The following NEDD4L variants were observed in gnomAD, a reference collection of about 807,000 sequenced individuals.
NEDD4L encodes NEDD4 like E3 ubiquitin protein ligase.
NEDD4L carries 54 observed loss-of-function variants against 148.9 expected under a neutral mutation model. The observed-to-expected ratio is 0.36, with a 90% CI of 0.29 to 0.45. The LOEUF is 0.45. Among genes scored for constraint, NEDD4L ranks in the 20% least tolerant of loss-of-function variants. The pLI is 1.00. For missense variants in NEDD4L, 856 were observed against 1,233.8 expected, an observed-to-expected ratio of 0.69 and a Z score of 4.59; for synonymous variants, 433 against 440.7, an observed-to-expected ratio of 0.98 and a Z score of 0.22.
intron 1 of NEDD4L, among the ~76,000 whole-genome samples, chr18:58,122,109 A>C (rs770337399): frequency 6.6e-6 from 1 of 152,232 alleles, no homozygotes; most frequent in Non-Finnish European, 1.5e-5. Context: ...TTTGGCTTAC[A>C]GCTGCCATTC....
At chr18:58,394,446 G>T (rs1460617314) in intron 30 of NEDD4L, among the ~76,000 whole-genome samples, 2 of 152,144 alleles carry the variant, frequency 1.3e-5, no homozygotes, top group African/African-American at 4.8e-5. Context: ...CTCAAGAATG[G>T]GCCTGAGACC....
chr18:58,164,353 A>C (rs904348426), intron 1 of NEDD4L, among the ~76,000 whole-genome samples: 3 of 152,256 alleles, frequency 2.0e-5, no homozygotes, highest in Non-Finnish European at 4.4e-5. Flanking sequence ...AAATGGCACC[A>C]AAAGAAATTA....
chr18:58,049,763 G>A (rs550794645), intron 1 of NEDD4L, among the ~76,000 whole-genome samples: 134 of 152,078 alleles, frequency 8.8e-4, no homozygotes, highest in Non-Finnish European at 1.3e-3. Flanking sequence ...AATCACTTGA[G>A]TTCAGGAGTT....
intron 25 of NEDD4L, 121 bp downstream of exon 25, chr18:58,383,440 A>G (rs913318748): frequency 2.5e-5 from 16 of 635,728 alleles, no homozygotes; most frequent in African/African-American, 2.0e-4. Context: ...TCAGTTTTCA[A>G]CAAGGTAAGT....
chr18:58,180,528 G>A lies in NEDD4L; in HGVS notation c.122+14667G>A, dbSNP rs149111521. Reference sequence around the variant, plus strand: ...CTGTGCTTGGCCGACTCCAGCGCCCGTTCTTCTGCCCCTCCTTGGCTCTGC... The same window carrying A: ...CTGTGCTTGGCCGACTCCAGCGCCCATTCTTCTGCCCCTCCTTGGCTCTGC... On this transcript the variant is annotated intron_variant, in intron 2 of 30. Transcript: ENST00000400345. Among the ~76,000 whole-genome samples the A allele has an allele frequency of 6.6e-5, 10 of 152,244 alleles. No homozygotes were observed. In the East Asian group the frequency reaches 1.4e-3, roughly 21 times the overall value.
At chr18:58,200,780 A>G (rs2147398445) in intron 2 of NEDD4L, among the ~76,000 whole-genome samples, 1 of 152,352 alleles carries the variant, frequency 6.6e-6, no homozygotes, top group African/African-American at 2.4e-5. Context: ...ACAGGTGGGC[A>G]GAGGAGTCAT....
At chr18:58,211,068 C>T (rs491642) in intron 2 of NEDD4L, among the ~76,000 whole-genome samples, 66,715 of 151,852 alleles carry the variant, frequency 0.44, 15,944 homozygotes, top group African/African-American at 0.64. Flanking sequence ...TCTGAGAAAG[C>T]GAACTAGGAA....
chr18:58,277,300 A>T (rs62096361), intron 5 of NEDD4L, among the ~76,000 whole-genome samples: 1 of 151,796 alleles, frequency 6.6e-6, no homozygotes, highest in Non-Finnish European at 1.5e-5. Context: ...AATAGAGGAT[A>T]GTAATCCTAG....
intron 25 of NEDD4L, 91 bp downstream of exon 25, chr18:58,383,410 T>TAA: frequency 1.4e-6 from 1 of 739,968 alleles, no homozygotes; most frequent in Non-Finnish European, 2.3e-6. Flanking sequence ...ATGCATTTAT[T>TAA]ATGGGCATGA....
intron 25 of NEDD4L, 145 bp from the exon 26 acceptor site, chr18:58,385,381 A>G: frequency 1.4e-6 from 1 of 728,262 alleles, no homozygotes; most frequent in Non-Finnish European, 2.5e-6. Context: ...GAAGCCATGA[A>G]TAAACTAAAC....
intron 5 of NEDD4L, among the ~76,000 whole-genome samples, chr18:58,253,607 A>G (rs1440976998): frequency 6.6e-6 from 1 of 152,228 alleles, no homozygotes; most frequent in Non-Finnish European, 1.5e-5. Flanking sequence ...TCCTGGAGAC[A>G]TGGGTGTGTC....
intron 23 of NEDD4L, chr18:58,372,117 T>G (rs2046956367): frequency 6.6e-6 from 1 of 152,130 alleles, no homozygotes; most frequent in African/African-American, 2.4e-5. Flanking sequence ...ATTATTTTAC[T>G]TATTTATTTT....
intron 11 of NEDD4L, among the ~76,000 whole-genome samples, chr18:58,331,681 T>C (rs901865467): frequency 6.6e-6 from 1 of 152,172 alleles, no homozygotes; most frequent in Non-Finnish European, 1.5e-5. Context: ...TCAGTGTTTC[T>C]CAAGAAACTG....
intron 2 of NEDD4L, among the ~76,000 whole-genome samples, chr18:58,233,275 C>T (rs187264452): frequency 7.0e-4 from 107 of 152,252 alleles, no homozygotes; most frequent in Middle Eastern, 3.4e-3. Context: ...TCCGTTTTCA[C>T]GCTGCTGGTA....
intron 1 of NEDD4L, among the ~76,000 whole-genome samples, chr18:58,160,048 C>T (rs2036003515): frequency 1.3e-5 from 2 of 152,168 alleles, no homozygotes; most frequent in Admixed American, 1.3e-4. Context: ...TAAAGGATAA[C>T]AAGTTACCTC....
At chr18:58,257,264 A>G (rs1167334289) in intron 5 of NEDD4L, among the ~76,000 whole-genome samples, 1 of 152,120 alleles carries the variant, frequency 6.6e-6, no homozygotes, top group Non-Finnish European at 1.5e-5. Context: ...GTGAACGTAA[A>G]GTTTAGTGGA....
intron 1 of NEDD4L, chr18:58,149,712 T>G (rs533575284): frequency 8.0e-5 from 53 of 658,766 alleles, no homozygotes; most frequent in Middle Eastern, 5.0e-4. Flanking sequence ...TTGACCTGAT[T>G]ACTTCTTTCT....
chr18:58,056,652 T>G (rs1365974721), intron 1 of NEDD4L, among the ~76,000 whole-genome samples: 2 of 152,054 alleles, frequency 1.3e-5, no homozygotes, highest in Admixed American at 6.6e-5. Flanking sequence ...ACCATCTTGG[T>G]TCACTGCAAC....
chr18:58,333,473 G>A (rs1026291540), intron 11 of NEDD4L, among the ~76,000 whole-genome samples: 1 of 152,134 alleles, frequency 6.6e-6, no homozygotes, highest in African/African-American at 2.4e-5. Context: ...CCCTGAGGGT[G>A]CATCTTAGAG....
Sources: gnomAD v4.1 joint callset for allele counts (sites outside exome capture counted in the v4.1 genomes callset) on GRCh38, gnomAD v4.1.1 for gene constraint, MANE v1.5 for transcripts, NCBI Gene and HGNC (gene_info 2026-07-23, HGNC 2026-07-21) for gene names.